The following PIK3C2G variants were observed in gnomAD, a reference collection of about 807,000 sequenced individuals.
PIK3C2G encodes phosphatidylinositol 3-kinase C2 domain-containing subunit gamma.
A neutral mutation model predicts 181.1 loss-of-function variants in PIK3C2G; 168 were observed. The ratio of observed to expected loss-of-function variants is 0.93; its 90% CI spans 0.82 to 1.05. The LOEUF is 1.05. Ranked by LOEUF, PIK3C2G falls within the 50% of genes least tolerant of loss-of-function variation. The probability of loss-of-function intolerance (pLI) is 0.00; values close to 1 mark genes in which losing one functional copy is unlikely to be tolerated. For synonymous variants in PIK3C2G, 573 were observed against 592.2 expected (o/e 0.97, Z 0.47); for missense variants, 1,869 against 1,732.8 (o/e 1.08, Z -1.40).
At chr12:18,597,327 A>C (rs1947424400) in intron 30 of PIK3C2G, among the ~76,000 whole-genome samples, 1 of 152,158 alleles carries the variant, frequency 6.6e-6, no homozygotes, top group South Asian at 2.1e-4. Flanking sequence ...AGGCTATTAA[A>C]TAAAGGCAGC....
At chr12:18,300,434 G>C (rs972427068) in intron 5 of PIK3C2G, among the ~76,000 whole-genome samples, 1 of 151,732 alleles carries the variant, frequency 6.6e-6, no homozygotes, top group African/African-American at 2.4e-5. Context: ...TATAAGTATA[G>C]CTACTTCTGC....
intron 16 of PIK3C2G, among the ~76,000 whole-genome samples, chr12:18,406,640 T>G (rs1944548891): frequency 6.6e-6 from 1 of 151,946 alleles, no homozygotes; most frequent in Non-Finnish European, 1.5e-5. Context: ...GAAGGGAAGA[T>G]CAGAAAAGAG....
Position 18,509,195 on chromosome 12 carries a change from G to A in PIK3C2G, c.3323+3734G>A, listed in dbSNP as rs577769638. Among the ~76,000 whole-genome samples, 13 of 152,126 alleles carry A rather than the reference G, an allele frequency of 8.5e-5. No homozygotes were observed. In the South Asian group the frequency reaches 2.7e-3, roughly 32 times the overall value. On this transcript the variant is annotated intron_variant, in intron 24 of 32. Coordinates refer to ENST00000538779, the MANE Select transcript of PIK3C2G (RefSeq NM_001288772.2). ...GCCTCCTGAGTAGCTGTAATTACAT[G>A]CCACCACGCCTGGCTAATTTTTTTT...
the PIK3C2G span, among the ~76,000 whole-genome samples, chr12:18,665,733 G>A: frequency 9.2e-5 from 14 of 152,032 alleles, no homozygotes; most frequent in East Asian, 9.7e-4. Context: ...TCAGGAGATC[G>A]AGACCATCCT....
intron 12 of PIK3C2G, among the ~76,000 whole-genome samples, chr12:18,370,722 C>G (rs1028310529): frequency 1.3e-5 from 2 of 152,144 alleles, no homozygotes; most frequent in Non-Finnish European, 2.9e-5. Context: ...ATCAGACACA[C>G]CTAGTTGTTC....
At chr12:18,570,375 AT>A (rs1945867594) in intron 29 of PIK3C2G, among the ~76,000 whole-genome samples, 1 of 149,742 alleles carries the variant, frequency 6.7e-6, no homozygotes, top group South Asian at 2.1e-4. Flanking sequence ...CACCCAGCCT[AT>A]TTTTGTATTT....
the PIK3C2G span, among the ~76,000 whole-genome samples, chr12:18,663,053 A>T: frequency 6.6e-6 from 1 of 152,198 alleles, no homozygotes; most frequent in South Asian, 2.1e-4. Flanking sequence ...TCCAGTCAAA[A>T]GACATAGATG....
Position 18,536,508 on chromosome 12 carries a change from G to A in PIK3C2G, c.3324-1648G>A, listed in dbSNP as rs76812443. 2.0e-5 allele frequency among the ~76,000 whole-genome samples: 3 copies of A among 152,050 alleles called. No homozygotes were observed. In the South Asian group the frequency reaches 6.2e-4, roughly 31 times the overall value. ...GTGGTGAAGCCATGATTTGAAACCT[G>A]GTTCACAGGCCCACAGTTTGTGCCT... is the stretch of plus-strand genomic sequence containing the variant. On this transcript the variant is annotated intron_variant, in intron 24 of 32. Transcript: ENST00000538779.
At chr12:18,367,018 A>C (rs1941691902) in intron 12 of PIK3C2G, among the ~76,000 whole-genome samples, 1 of 152,172 alleles carries the variant, frequency 6.6e-6, no homozygotes, top group Non-Finnish European at 1.5e-5. Context: ...TAACTTATAT[A>C]ATTTCTTTCA....
intron 15 of PIK3C2G, 108 bp downstream of exon 15, chr12:18,391,360 C>A: frequency 1.4e-6 from 1 of 739,272 alleles, no homozygotes; most frequent in Non-Finnish European, 2.0e-6. Context: ...TCCTACATAA[C>A]TGGTTTCATT....
At chr12:18,358,693 C>T (rs535029405) in intron 11 of PIK3C2G, 3 of 482,874 alleles carry the variant, frequency 6.2e-6, no homozygotes, top group Non-Finnish European at 1.2e-5. Context: ...CTCATCTCTT[C>T]CAGGAACCAA....
At chr12:18,618,304 G>A (rs1277559479) in intron 31 of PIK3C2G, among the ~76,000 whole-genome samples, 1 of 151,832 alleles carries the variant, frequency 6.6e-6, no homozygotes, top group African/African-American at 2.4e-5. Context: ...AAAGACAGAA[G>A]GGTATGCACT....
At chr12:18,434,676 C>A (rs113889491) in intron 18 of PIK3C2G, among the ~76,000 whole-genome samples, 57 of 152,232 alleles carry the variant, frequency 3.7e-4, no homozygotes, top group African/African-American at 1.3e-3. Context: ...AAGCAAAATG[C>A]AGTTTAATTT....
chr12:18,440,710 CA>C (rs1946701314), intron 18 of PIK3C2G, among the ~76,000 whole-genome samples: 2 of 151,786 alleles, frequency 1.3e-5, no homozygotes, highest in Admixed American at 6.6e-5. Context: ...GATGAGGTTA[CA>C]GGGGGAAAGA....
chr12:18,536,201 T>A (rs1025094470), intron 24 of PIK3C2G, among the ~76,000 whole-genome samples: 2 of 152,076 alleles, frequency 1.3e-5, no homozygotes, highest in African/African-American at 4.8e-5. Context: ...AATCTTGGAA[T>A]AAGGATGAGA....
intron 18 of PIK3C2G, among the ~76,000 whole-genome samples, chr12:18,431,474 G>T (rs908427066): frequency 6.6e-6 from 1 of 152,192 alleles, no homozygotes; most frequent in East Asian, 1.9e-4. Flanking sequence ...GAGAGGCAAG[G>T]CCAGACATCC....
rs1358080317 is a variant in PIK3C2G at position 18,561,436 on chromosome 12, ACCACTGTATT to A, written c.3591-1263_3591-1254del. Reference sequence around the variant, plus strand: ...AGAGGCTGTAGTGAGCTACTATCTCACCACTGTATTCCAGCCTGGGTGACAGAGTAAGACC... The same window carrying A: ...AGAGGCTGTAGTGAGCTACTATCTCACCAGCCTGGGTGACAGAGTAAGACC... On this transcript the variant is annotated intron_variant, in intron 26 of 32. Coordinates refer to ENST00000538779, the MANE Select transcript of PIK3C2G (RefSeq NM_001288772.2). 2.0e-5 allele frequency among the ~76,000 whole-genome samples: 3 copies of A among 152,126 alleles called. No individual in the cohort carries two copies. In the East Asian group the frequency reaches 5.8e-4, roughly 29 times the overall value.
chr12:18,693,838 C>T, the PIK3C2G span: 1 of 1,530,886 alleles, frequency 6.5e-7, no homozygotes, highest in Non-Finnish European at 9.0e-7. Flanking sequence ...TTGAGTTCCC[C>T]CTGCCTGATG....
At chr12:18,609,313 A>ATTATTTG (rs1948216778) in intron 30 of PIK3C2G, among the ~76,000 whole-genome samples, 1 of 152,160 alleles carries the variant, frequency 6.6e-6, no homozygotes, top group Non-Finnish European at 1.5e-5. Context: ...CAATCAAAAC[A>ATTATTTG]AAATATGAAA....
Sources: allele counts gnomAD v4.1 joint callset (sites outside exome capture counted in the v4.1 genomes callset), GRCh38; gene constraint gnomAD v4.1.1; transcripts MANE v1.5; gene names NCBI Gene and HGNC (gene_info 2026-07-23, HGNC 2026-07-21).